Variants in GLIPR2 observed in about 807,000 individuals in gnomAD.
GLIPR2 encodes the protein Golgi-associated plant pathogenesis-related protein 1.
GLIPR2 carries 21 observed loss-of-function variants against 20.4 expected under a neutral mutation model. That is an observed-to-expected ratio of 1.03 (90% CI 0.73 to 1.48). The LOEUF (loss-of-function observed/expected upper bound fraction) is 1.48, where lower values mean the gene tolerates loss of function less well. Ranked by LOEUF, GLIPR2 falls within the 40% of genes most tolerant of loss-of-function variation. GLIPR2 has a pLI of 0.00. For missense variants in GLIPR2, 205 were observed against 200.1 expected, an observed-to-expected ratio of 1.02 and a Z score of -0.15; for synonymous variants, 91 against 80.5, an observed-to-expected ratio of 1.13 and a Z score of -0.70.
intron 1 of GLIPR2, among the ~76,000 whole-genome samples, chr9:36,137,995 C>T (rs1039591910): frequency 6.6e-6 from 1 of 152,254 alleles, no homozygotes. Flanking sequence ...GCCTCCTTCC[C>T]TCTGTTCCTC....
At chr9:36,144,156 G>C (rs1016842333) in intron 1 of GLIPR2, 1 of 152,116 alleles carries the variant, frequency 6.6e-6, no homozygotes, top group Non-Finnish European at 1.5e-5. Flanking sequence ...ACTGGTCAAC[G>C]AGACCCCCAT....
At chr9:36,147,087 A>C (rs79666486) in intron 1 of GLIPR2, among the ~76,000 whole-genome samples, 1 of 152,210 alleles carries the variant, frequency 6.6e-6, no homozygotes, top group Admixed American at 6.5e-5. Flanking sequence ...CTCCTCTGGA[A>C]ACACTCTCAC....
intron 1 of GLIPR2, among the ~76,000 whole-genome samples, chr9:36,140,718 AGT>A (rs990000339): frequency 4.1e-4 from 62 of 152,256 alleles, no homozygotes; most frequent in African/African-American, 1.4e-3. Flanking sequence ...TAAAGTGGAA[AGT>A]GTGGGAGATT....
chr9:36,148,078 T>C (rs1825414343), intron 2 of GLIPR2, among the ~76,000 whole-genome samples, 184 bp downstream of exon 2: 1 of 152,130 alleles, frequency 6.6e-6, no homozygotes, highest in East Asian at 1.9e-4. Context: ...TGAAACCTTG[T>C]CTCCACTAAA....
chr9:36,147,338 T>C (rs1373742245), intron 1 of GLIPR2, among the ~76,000 whole-genome samples: 1 of 152,150 alleles, frequency 6.6e-6, no homozygotes, highest in Non-Finnish European at 1.5e-5. Context: ...TCTCCCTAGG[T>C]CCAGCCTGAG....
chr9:36,146,853 GT>G (rs1563881476), intron 1 of GLIPR2, among the ~76,000 whole-genome samples: 1 of 152,118 alleles, frequency 6.6e-6, no homozygotes, highest in Non-Finnish European at 1.5e-5. Context: ...TGGAAGCCTC[GT>G]GCTTGCAGCC....
intron 2 of GLIPR2, among the ~76,000 whole-genome samples, chr9:36,148,220 C>T (rs1825421459): frequency 6.6e-6 from 1 of 151,752 alleles, no homozygotes; most frequent in Non-Finnish European, 1.5e-5. Context: ...TGCACTCCAG[C>T]CTGGGTGACA....
chr9:36,144,530 T>C (rs1825242210), intron 1 of GLIPR2: 1 of 152,246 alleles, frequency 6.6e-6, no homozygotes, highest in African/African-American at 2.4e-5. Context: ...GAAGTCCCGA[T>C]ACTTCAGGTT....
chr9:36,162,296 G>A, intron 4 of GLIPR2, 66 bp from the exon 5 acceptor site: 1 of 1,600,180 alleles, frequency 6.2e-7, no homozygotes, highest in Non-Finnish European at 8.5e-7. Flanking sequence ...ACAATCCCCT[G>A]CCACATCCTT....
At chr9:36,136,695 C>G (rs144476246), upstream of GLIPR2, 1,200 of 1,020,860 alleles carry the variant, frequency 1.2e-3, 10 homozygotes, top group African/African-American at 0.018. The surrounding 1 kb of genome is among the most constrained non-coding windows in gnomAD (Gnocchi z 4.3). Context: ...GGCATCAGCC[C>G]GGTCCTGGGC....
intron 1 of GLIPR2, among the ~76,000 whole-genome samples, chr9:36,147,569 G>A (rs1270650762): frequency 6.6e-6 from 1 of 152,182 alleles, no homozygotes; most frequent in East Asian, 1.9e-4. Context: ...CATGATCCAC[G>A]GGCTTTAGAT....
intron 2 of GLIPR2, among the ~76,000 whole-genome samples, chr9:36,148,328 C>T (rs1825431557): frequency 6.6e-6 from 1 of 152,066 alleles, no homozygotes; most frequent in African/African-American, 2.4e-5. Context: ...CTTGAATAAC[C>T]ACTCTCTCAC....
chr9:36,141,329 C>G (rs1226905071), intron 1 of GLIPR2, among the ~76,000 whole-genome samples: 1 of 152,000 alleles, frequency 6.6e-6, no homozygotes, highest in Non-Finnish European at 1.5e-5. Context: ...CAGGAGTTAC[C>G]CAGCTGAAAT....
At chr9:36,151,808 T>TTG (rs1269586723) in intron 4 of GLIPR2, among the ~76,000 whole-genome samples, 1 of 152,176 alleles carries the variant, frequency 6.6e-6, no homozygotes, top group Non-Finnish European at 1.5e-5. Context: ...ACCAGGCTCC[T>TTG]TGTCTTTCCT....
intron 4 of GLIPR2, among the ~76,000 whole-genome samples, chr9:36,155,512 T>G (rs1010383395): frequency 3.3e-5 from 5 of 152,044 alleles, no homozygotes; most frequent in Admixed American, 6.6e-5. Flanking sequence ...GAGAATCACT[T>G]GAACCCAGGA....
At chr9:36,145,248 A>G (rs1000286593) in intron 1 of GLIPR2, among the ~76,000 whole-genome samples, 1 of 152,244 alleles carries the variant, frequency 6.6e-6, no homozygotes, top group African/African-American at 2.4e-5. Flanking sequence ...TATGGTGCTC[A>G]GTGTCTTCAT....
chr9:36,160,366 GC>G (rs1161342996), intron 4 of GLIPR2, among the ~76,000 whole-genome samples: 1 of 152,138 alleles, frequency 6.6e-6, no homozygotes, highest in Non-Finnish European at 1.5e-5. Flanking sequence ...GGCGGCATGT[GC>G]CTGTGGTCCC....
intron 1 of GLIPR2, among the ~76,000 whole-genome samples, chr9:36,140,124 G>A (rs990103534): frequency 2.0e-5 from 3 of 152,090 alleles, no homozygotes; most frequent in African/African-American, 7.2e-5. Context: ...CCCCTACTGT[G>A]TCCTGTCCTC....
chr9:36,138,003 C>T (rs1359135411), intron 1 of GLIPR2, among the ~76,000 whole-genome samples: 1 of 152,248 alleles, frequency 6.6e-6, no homozygotes, highest in Non-Finnish European at 1.5e-5. Context: ...CCCTCTGTTC[C>T]TCCCTGTCTG....
Sources: allele counts gnomAD v4.1 joint callset (sites outside exome capture counted in the v4.1 genomes callset), GRCh38; gene constraint gnomAD v4.1.1; non-coding constraint Gnocchi (gnomAD v3.1); transcripts MANE v1.5; gene names NCBI Gene and HGNC (gene_info 2026-07-23, HGNC 2026-07-21).